Variants in CSMD1 observed in about 807,000 individuals in gnomAD.
The protein encoded by CSMD1 is CUB and sushi domain-containing protein 1.
Under a neutral mutation model 417.5 loss-of-function variants are expected in CSMD1, and 213 were observed. The observed-to-expected ratio is 0.51, with a 90% CI of 0.46 to 0.57. The LOEUF is 0.57. Among genes scored for constraint, CSMD1 ranks in the 20% least tolerant of loss-of-function variants. The pLI, the probability that CSMD1 is intolerant of heterozygous loss-of-function variation, is 0.00. For synonymous variants in CSMD1, 2,862 were observed against 1,736.8 expected, an observed-to-expected ratio of 1.65 and a Z score of -16.11; for missense variants, 6,923 against 4,529.7, an observed-to-expected ratio of 1.53 and a Z score of -15.17.
At chr8:4,450,295 G>C (rs976188856) in intron 2 of CSMD1, among the ~76,000 whole-genome samples, 1 of 152,188 alleles carries the variant, frequency 6.6e-6, no homozygotes, top group African/African-American at 2.4e-5. Context: ...GCTGTGCACT[G>C]TTTGCTGCAA....
chr8:4,320,838 C>A (rs2128884031), intron 3 of CSMD1, among the ~76,000 whole-genome samples: 1 of 152,186 alleles, frequency 6.6e-6, no homozygotes, highest in South Asian at 2.1e-4. Context: ...TTACTATAAC[C>A]CAAAGGATTA....
chr8:4,873,189 A>T (rs1802835101), intron 1 of CSMD1, among the ~76,000 whole-genome samples: 1 of 152,162 alleles, frequency 6.6e-6, no homozygotes, highest in African/African-American at 2.4e-5. Context: ...AGGTGGCAAC[A>T]ATGAGTAATC....
rs1475800015 is a variant in CSMD1 at position 4,846,043 on chromosome 8, C to G, written c.85+148289G>C. On this transcript the variant is annotated intron_variant, in intron 1 of 69. Transcript: ENST00000635120. Reference sequence around the variant, plus strand: ...CTTCTTTGTTTTTCCAGAATGAGCACTTTTGCCAATCCCGGTTTGTTGTGC... The same window carrying G: ...CTTCTTTGTTTTTCCAGAATGAGCAGTTTTGCCAATCCCGGTTTGTTGTGC... Among the ~76,000 whole-genome samples, 9 of 152,286 alleles carry G rather than the reference C, an allele frequency of 5.9e-5. No individual in the cohort carries two copies. In the East Asian group the frequency reaches 1.7e-3, roughly 29 times the overall value.
chr8:3,564,093 A>C (rs13257567), intron 10 of CSMD1, among the ~76,000 whole-genome samples: 46,165 of 151,992 alleles, frequency 0.3, 7,143 homozygotes, highest in Middle Eastern at 0.43. Flanking sequence ...TAATGACCAA[A>C]CAGTGTAACA....
chr8:4,386,924 A>G (rs1254847132), intron 3 of CSMD1, among the ~76,000 whole-genome samples: 1 of 152,248 alleles, frequency 6.6e-6, no homozygotes, highest in Non-Finnish European at 1.5e-5. Flanking sequence ...TTCGAGGCAG[A>G]TAATACTATT....
chr8:3,324,948 G>C (rs1209284306), intron 23 of CSMD1, among the ~76,000 whole-genome samples: 1 of 151,758 alleles, frequency 6.6e-6, no homozygotes, highest in South Asian at 2.1e-4. Context: ...TTTCATATCA[G>C]TGTTTTCTGA....
At chr8:3,251,746 G>A (rs1441281731) in intron 26 of CSMD1, among the ~76,000 whole-genome samples, 5 of 152,126 alleles carry the variant, frequency 3.3e-5, no homozygotes, top group Non-Finnish European at 7.3e-5. Flanking sequence ...TCATTGAGCA[G>A]TGGATTGTAG....
At chr8:3,789,405 TA>T (rs373239546) in intron 5 of CSMD1, among the ~76,000 whole-genome samples, 44 of 13,946 alleles carry the variant, frequency 3.2e-3, no homozygotes, top group South Asian at 0.015. Context: ...TTTTTTTAAG[TA>T]AGTTTTTTTT....
intron 49 of CSMD1, among the ~76,000 whole-genome samples, chr8:3,056,305 G>T (rs6558704): frequency 6.6e-6 from 1 of 152,232 alleles, no homozygotes; most frequent in Admixed American, 6.5e-5. Context: ...TTCTTCTTTG[G>T]ATATCTAAGA....
chr8:4,877,408 G>C (rs866918860), intron 1 of CSMD1, among the ~76,000 whole-genome samples: 12 of 152,136 alleles, frequency 7.9e-5, no homozygotes, highest in Non-Finnish European at 1.2e-4. Context: ...TAATTCCATT[G>C]TAAAGAAATA....
At chr8:2,945,476 C>A (rs1201356752) in intron 68 of CSMD1, among the ~76,000 whole-genome samples, 1 of 151,976 alleles carries the variant, frequency 6.6e-6, no homozygotes, top group African/African-American at 2.4e-5. Flanking sequence ...GCAATGAAAT[C>A]TTTTGCCTAT....
chr8:3,944,095 T>C (rs1426485192), intron 5 of CSMD1, among the ~76,000 whole-genome samples: 4 of 152,148 alleles, frequency 2.6e-5, no homozygotes, highest in Admixed American at 2.0e-4. Flanking sequence ...TGAGAAAGAA[T>C]AAAGCAAATG....
intron 3 of CSMD1, among the ~76,000 whole-genome samples, chr8:4,117,947 A>G (rs1396612198): frequency 6.6e-5 from 5 of 75,762 alleles, no homozygotes; most frequent in African/African-American, 2.2e-4. Context: ...GGGCAAGTCA[A>G]TAGGAAAAAA....
At chr8:3,042,853 G>A (rs1470772597) in intron 50 of CSMD1, among the ~76,000 whole-genome samples, 1 of 151,858 alleles carries the variant, frequency 6.6e-6, no homozygotes, top group Admixed American at 6.6e-5. Context: ...AGTACTGCAG[G>A]ATTATACGTA....
chr8:3,536,288 TTAAAC>T (rs111655036), intron 10 of CSMD1, among the ~76,000 whole-genome samples: 12 of 152,344 alleles, frequency 7.9e-5, no homozygotes, highest in African/African-American at 2.9e-4. Flanking sequence ...CAACTTGTAC[TTAAAC>T]TAATTATTTT....
chr8:3,957,617 G>C (rs1812044301), intron 5 of CSMD1, among the ~76,000 whole-genome samples: 1 of 152,080 alleles, frequency 6.6e-6, no homozygotes, highest in Non-Finnish European at 1.5e-5. Context: ...TCAGGAGTTC[G>C]GGGTTGCAGT....
intron 15 of CSMD1, among the ~76,000 whole-genome samples, chr8:3,402,756 G>A (rs896792502): frequency 1.3e-5 from 2 of 151,614 alleles, no homozygotes; most frequent in Non-Finnish European, 2.9e-5. Flanking sequence ...CTATTTTATT[G>A]ATATTAACAA....
At chr8:4,471,943 T>G (rs1367506251) in intron 2 of CSMD1, among the ~76,000 whole-genome samples, 1 of 151,998 alleles carries the variant, frequency 6.6e-6, no homozygotes, top group Admixed American at 6.6e-5. Context: ...TTATAGAGGG[T>G]GCAAAACAGT....
intron 23 of CSMD1, among the ~76,000 whole-genome samples, chr8:3,322,232 G>A (rs917301229): frequency 1.3e-5 from 2 of 152,174 alleles, no homozygotes; most frequent in East Asian, 1.9e-4. Flanking sequence ...TTTCCAGCAG[G>A]AGCGGAACAT....
Sources: gnomAD v4.1 joint callset for allele counts (sites outside exome capture counted in the v4.1 genomes callset) on GRCh38, gnomAD v4.1.1 for gene constraint, MANE v1.5 for transcripts, NCBI Gene and HGNC (gene_info 2026-07-23, HGNC 2026-07-21) for gene names.